Variants in ADAMTS3 observed in about 807,000 individuals in gnomAD.
ADAMTS3 encodes ADAM metallopeptidase with thrombospondin type 1 motif 3, also known as A disintegrin and metalloproteinase with thrombospondin motifs 3.
A neutral mutation model predicts 129.0 loss-of-function variants in ADAMTS3; 73 were observed. That is an observed-to-expected ratio of 0.57 (90% CI 0.47 to 0.69). The LOEUF (loss-of-function observed/expected upper bound fraction) is 0.69. Among genes scored for constraint, ADAMTS3 ranks in the 30% least tolerant of loss-of-function variants. The probability of loss-of-function intolerance (pLI) is 0.00; values close to 1 mark genes in which losing one functional copy is unlikely to be tolerated. For synonymous variants in ADAMTS3, 477 were observed against 510.8 expected, an observed-to-expected ratio of 0.93 and a Z score of 0.89; for missense variants, 1,457 against 1,514.5, an observed-to-expected ratio of 0.96 and a Z score of 0.63.
At chr4:72,303,047 C>G (rs1718991739) in intron 17 of ADAMTS3, among the ~76,000 whole-genome samples, 1 of 152,114 alleles carries the variant, frequency 6.6e-6, no homozygotes, top group African/African-American at 2.4e-5. Flanking sequence ...TTGCACAGCT[C>G]TAGGAAACTA....
chr4:72,459,826 T>A (rs894728400), intron 3 of ADAMTS3, among the ~76,000 whole-genome samples: 2 of 151,546 alleles, frequency 1.3e-5, no homozygotes, highest in Non-Finnish European at 3.0e-5. Flanking sequence ...TAATGAGATA[T>A]CTTGGGAATG....
At chr4:72,528,311 G>T (rs904446268) in intron 3 of ADAMTS3, among the ~76,000 whole-genome samples, 1 of 151,856 alleles carries the variant, frequency 6.6e-6, no homozygotes, top group Admixed American at 6.6e-5. Context: ...CTATTAGGTT[G>T]AACTCAAGTG....
chr4:72,292,050 T>C (rs189890399), intron 19 of ADAMTS3, among the ~76,000 whole-genome samples: 50 of 152,336 alleles, frequency 3.3e-4, no homozygotes, highest in African/African-American at 1.2e-3. Flanking sequence ...TTTTCAAGGA[T>C]AGCACCAACT....
At chr4:72,486,490 C>T (rs1371579581) in intron 3 of ADAMTS3, among the ~76,000 whole-genome samples, 2 of 152,110 alleles carry the variant, frequency 1.3e-5, no homozygotes, top group African/African-American at 4.8e-5. Flanking sequence ...AGAACCTAGC[C>T]CTCCATCAGG....
chr4:72,297,875 T>C (rs549536322), intron 18 of ADAMTS3, among the ~76,000 whole-genome samples: 2 of 152,244 alleles, frequency 1.3e-5, no homozygotes, highest in South Asian at 4.1e-4. Context: ...TACACAGTCA[T>C]GTAACCAATA....
At chr4:72,526,162 T>C (rs1463399725) in intron 3 of ADAMTS3, among the ~76,000 whole-genome samples, 2 of 152,266 alleles carry the variant, frequency 1.3e-5, no homozygotes, top group South Asian at 2.1e-4. Context: ...ACAGACAGCA[T>C]AGTCAGTACT....
chr4:72,529,896 T>A (rs866497580), intron 3 of ADAMTS3, among the ~76,000 whole-genome samples: 12 of 64,776 alleles, frequency 1.9e-4, no homozygotes, highest in African/African-American at 7.6e-4. Flanking sequence ...TATTATATAT[T>A]ATATATAAAT....
At chr4:72,413,172 G>A (rs1448050308) in intron 4 of ADAMTS3, among the ~76,000 whole-genome samples, 2 of 151,966 alleles carry the variant, frequency 1.3e-5, no homozygotes, top group Non-Finnish European at 2.9e-5. Flanking sequence ...GAATTGAAAT[G>A]TAGTAATAGG....
intron 3 of ADAMTS3, among the ~76,000 whole-genome samples, chr4:72,429,343 T>C (rs982763835): frequency 1.3e-5 from 2 of 152,176 alleles, no homozygotes; most frequent in Admixed American, 1.3e-4. Context: ...TTTTATAGAA[T>C]AACTCAAGGT....
Position 72,282,781 on chromosome 4 carries a change from CTTT to C in ADAMTS3, c.*352_*354del, listed in dbSNP as rs758469997. The C allele has an allele frequency of 1.6e-3, 256 of 164,218 alleles. No individual in the cohort carries two copies. Among genetic ancestry groups the C allele is most frequent in the Admixed American group, 2.6e-3 (42 of 16,072 alleles). 10.2% of individuals were successfully genotyped at this position (164,218 alleles called of 1,614,324 possible). A position where few individuals can be genotyped will look rare whatever the true frequency, so the allele number is the denominator to read the frequency against. ...GTTAAAGTGTAAACCATTGGTATCT[CTTT>C]TTAATTTTTACTGTAACTTTTCTAA... On this transcript the variant is annotated 3_prime_UTR_variant, in exon 22 of 22. Transcript: ENST00000286657.
At chr4:72,450,566 G>T (rs764234949) in intron 3 of ADAMTS3, among the ~76,000 whole-genome samples, 4 of 151,532 alleles carry the variant, frequency 2.6e-5, no homozygotes, top group Admixed American at 6.6e-5. Context: ...TTGTCTTACA[G>T]AATCTTTTCT....
At chr4:72,433,333 C>T (rs1156552222) in intron 3 of ADAMTS3, among the ~76,000 whole-genome samples, 1 of 151,866 alleles carries the variant, frequency 6.6e-6, no homozygotes, top group Non-Finnish European at 1.5e-5. Flanking sequence ...GCACTCATCT[C>T]GTATCTTGAG....
At chr4:72,465,798 TG>T (rs919512783) in intron 3 of ADAMTS3, among the ~76,000 whole-genome samples, 7 of 152,146 alleles carry the variant, frequency 4.6e-5, no homozygotes, top group African/African-American at 1.4e-4. Context: ...AACTGAATTA[TG>T]GGGGCAGGTT....
intron 3 of ADAMTS3, among the ~76,000 whole-genome samples, chr4:72,496,709 G>C (rs1054788101): frequency 6.6e-6 from 1 of 151,986 alleles, no homozygotes; most frequent in East Asian, 1.9e-4. Context: ...ACATAGTAAG[G>C]AAGGCTCTTT....
intron 4 of ADAMTS3, among the ~76,000 whole-genome samples, chr4:72,367,699 G>A (rs1240581938): frequency 6.6e-6 from 1 of 151,986 alleles, no homozygotes; most frequent in East Asian, 1.9e-4. Context: ...AAACACAAAA[G>A]ATTAGCCGGG....
intron 4 of ADAMTS3, among the ~76,000 whole-genome samples, chr4:72,387,751 C>A (rs1721484262): frequency 6.6e-6 from 1 of 152,096 alleles, no homozygotes; most frequent in Non-Finnish European, 1.5e-5. Context: ...GTGCCTAAGG[C>A]AACATAAGTG....
intron 4 of ADAMTS3, among the ~76,000 whole-genome samples, chr4:72,413,890 T>A (rs183938980): frequency 6.6e-6 from 1 of 151,138 alleles, no homozygotes; most frequent in Admixed American, 6.7e-5. Context: ...TCAAGATATG[T>A]TAACTTTAAA....
intron 8 of ADAMTS3, 101 bp from the exon 9 acceptor site, chr4:72,319,576 C>A: frequency 7.2e-7 from 1 of 1,389,440 alleles, no homozygotes; most frequent in African/African-American, 1.5e-5. Context: ...ATTTTTGAGT[C>A]AACGTGGCTT....
chr4:72,486,083 C>G (rs1194874099), intron 3 of ADAMTS3, among the ~76,000 whole-genome samples: 1 of 152,166 alleles, frequency 6.6e-6, no homozygotes. Context: ...TAAGATGATA[C>G]CTAGTACGTG....
Sources: allele counts gnomAD v4.1 joint callset (sites outside exome capture counted in the v4.1 genomes callset), GRCh38; gene constraint gnomAD v4.1.1; transcripts MANE v1.5; gene names NCBI Gene and HGNC (gene_info 2026-07-23, HGNC 2026-07-21).